The following SMARCC1 variants were observed in gnomAD, a reference collection of about 807,000 sequenced individuals.
SMARCC1 encodes the protein SWI/SNF complex subunit SMARCC1.
SMARCC1 carries 43 observed loss-of-function variants against 147.4 expected under a neutral mutation model. The ratio of observed to expected loss-of-function variants is 0.29; its 90% CI spans 0.23 to 0.38. The LOEUF (loss-of-function observed/expected upper bound fraction) is 0.38. SMARCC1 is among the 10% of genes least tolerant of loss of function. The probability of loss-of-function intolerance (pLI) is 1.00; values close to 1 mark genes in which losing one functional copy is unlikely to be tolerated. For missense variants in SMARCC1, 1,119 were observed against 1,381.1 expected (o/e 0.81, Z 3.01); for synonymous variants, 495 against 484.4 (o/e 1.02, Z -0.29).
chr3:47,689,892 T>C (rs914825961), intron 12 of SMARCC1, among the ~76,000 whole-genome samples: 2 of 152,150 alleles, frequency 1.3e-5, no homozygotes, highest in African/African-American at 4.8e-5. Context: ...CCAGGTAAAA[T>C]TTGTAAACTA....
chr3:47,666,336 C>A (rs1448436276), intron 19 of SMARCC1, among the ~76,000 whole-genome samples: 1 of 152,204 alleles, frequency 6.6e-6, no homozygotes, highest in Non-Finnish European at 1.5e-5. Context: ...GGACATACCT[C>A]TAATCATAAA....
intron 1 of SMARCC1, among the ~76,000 whole-genome samples, chr3:47,780,134 G>A (rs867797077): frequency 3.0e-4 from 41 of 138,644 alleles, no homozygotes; most frequent in Admixed American, 1.5e-4. Context: ...AAGAAAGAAA[G>A]AAATGATCAT....
At chr3:47,758,971 C>T (rs994365522) in intron 2 of SMARCC1, among the ~76,000 whole-genome samples, 31 of 150,854 alleles carry the variant, frequency 2.1e-4, no homozygotes, top group Non-Finnish European at 5.9e-5. Context: ...GAGCTGAGAT[C>T]GCACCATTGC....
chr3:47,676,037 T>G (rs980169176), intron 17 of SMARCC1, among the ~76,000 whole-genome samples: 1 of 152,096 alleles, frequency 6.6e-6, no homozygotes. Context: ...TACACTATAC[T>G]TCTAACAAAA....
At chr3:47,727,465 T>G (rs754384130) in intron 6 of SMARCC1, among the ~76,000 whole-genome samples, 2 of 151,486 alleles carry the variant, frequency 1.3e-5, no homozygotes, top group Non-Finnish European at 2.9e-5. Flanking sequence ...CGAGATCACA[T>G]GACTACACTC....
chr3:47,587,837 C>T lies in SMARCC1; in HGVS notation c.*372G>A. 1 of 213,854 alleles carries T rather than the reference C, an allele frequency of 4.7e-6. No homozygotes were observed. The highest frequency in any genetic ancestry group is 9.4e-6 in the Non-Finnish European group (1 of 106,698). The allele number at this position is 213,854 out of a possible 1,614,324, so 13.2% of individuals were successfully genotyped here. On this transcript the variant is annotated 3_prime_UTR_variant, in exon 28 of 28. Coordinates refer to ENST00000254480, the MANE Select transcript of SMARCC1 (RefSeq NM_003074.4). ...AAGATAATGATTATATAGCATTATC[C>T]ATAGAAGCATAAGACAAAGCAAAAA...
intron 22 of SMARCC1, among the ~76,000 whole-genome samples, chr3:47,637,320 G>A (rs997322315): frequency 2.6e-5 from 4 of 152,074 alleles, no homozygotes; most frequent in Admixed American, 6.5e-5. Flanking sequence ...TACAATTTTA[G>A]AATACCACAT....
Position 47,772,827 on chromosome 3 carries a change from G to A in SMARCC1, c.305C>T (p.Thr102Ile). 6.2e-7 allele frequency: 1 copy of A among 1,612,342 alleles called. No homozygotes were observed. Among genetic ancestry groups the A allele is most frequent in the East Asian group, 2.2e-5 (1 of 44,820 alleles). ...AGCTGATGTACTTACAGGGAGTTTG[G>A]TGAAGGCCGGGTTGGTGACATGCTT... ...FGKHVTNPAF[T>I]KLPAKCFMDF... The change falls in exon 2 of 28, where the codon ACC (threonine) becomes ATC (isoleucine). Residue 102 changes from threonine to isoleucine, a missense_variant. Transcript: ENST00000254480.
chr3:47,662,312 G>A lies in SMARCC1; in HGVS notation c.2158+22C>T, dbSNP rs764654081. 3.8e-6 allele frequency: 6 copies of A among 1,598,872 alleles called. No homozygotes were observed. The South Asian group carries it at 5.6e-5, about 15-fold the overall frequency. ...ATAAACTGAGTTTTTCTGTTGAGGA[G>A]ATGGTTTAGGGAAGTCCATACCCAA... On this transcript the variant is annotated intron_variant, in intron 20 of 27. Coordinates refer to ENST00000254480, the MANE Select transcript of SMARCC1 (RefSeq NM_003074.4).
chr3:47,619,102 T>C (rs113427840), intron 25 of SMARCC1, among the ~76,000 whole-genome samples: 1 of 152,182 alleles, frequency 6.6e-6, no homozygotes, highest in Non-Finnish European at 1.5e-5. Flanking sequence ...GCTCCGCCTG[T>C]AGGACGTTTT....
intron 2 of SMARCC1, among the ~76,000 whole-genome samples, chr3:47,767,810 G>A (rs2034858978): frequency 6.6e-6 from 1 of 151,710 alleles, no homozygotes; most frequent in Admixed American, 6.6e-5. Flanking sequence ...AGAGGTTGCA[G>A]TGAGCCAAGA....
intron 26 of SMARCC1, among the ~76,000 whole-genome samples, chr3:47,599,318 G>A (rs1318854678): frequency 6.6e-6 from 1 of 152,138 alleles, no homozygotes; most frequent in Non-Finnish European, 1.5e-5. Flanking sequence ...GGGAGGTAGA[G>A]GTTAGAGTGA....
chr3:47,753,554 T>C lies in SMARCC1; in HGVS notation c.316-7561A>G, dbSNP rs2034653182. On this transcript the variant is annotated intron_variant, in intron 2 of 27. Transcript: ENST00000254480. ...GGTGAAACCCCGTCTCTACTAAAAA[T>C]ACAAAAAAAATCAGCCGGGCGTGGT... Among the ~76,000 whole-genome samples, 4 of 150,160 alleles carry C rather than the reference T, an allele frequency of 2.7e-5. No individual in the cohort carries two copies. In the South Asian group the frequency reaches 8.4e-4, roughly 32 times the overall value.
intron 21 of SMARCC1, among the ~76,000 whole-genome samples, chr3:47,642,973 G>C: frequency 6.6e-6 from 1 of 152,140 alleles, no homozygotes; most frequent in African/African-American, 2.4e-5. Flanking sequence ...CTGAGCCTGG[G>C]AAGTTGAGGC....
At chr3:47,690,353 G>C (rs2033775823) in intron 12 of SMARCC1, among the ~76,000 whole-genome samples, 1 of 152,166 alleles carries the variant, frequency 6.6e-6, no homozygotes, top group South Asian at 2.1e-4. Context: ...TATTAGAGAG[G>C]AAGTGGGTAG....
chr3:47,638,829 A>C (rs1259111175), intron 21 of SMARCC1, 49 bp from the exon 22 acceptor site: 3 of 1,292,944 alleles, frequency 2.3e-6, no homozygotes, highest in Non-Finnish European at 3.4e-6. Context: ...AAAAAGGTAA[A>C]AGCTATTATT....
At chr3:47,752,612 G>A (rs554524625) in intron 2 of SMARCC1, among the ~76,000 whole-genome samples, 7 of 152,082 alleles carry the variant, frequency 4.6e-5, no homozygotes, top group East Asian at 1.9e-4. Flanking sequence ...ATAACAGAGC[G>A]AAACCCTGTC....
chr3:47,618,578 G>C (rs1345376439), intron 25 of SMARCC1, among the ~76,000 whole-genome samples: 1 of 151,930 alleles, frequency 6.6e-6, no homozygotes, highest in Non-Finnish European at 1.5e-5. Context: ...AAAAAATAGT[G>C]AAGTTATATA....
At chr3:47,719,063 C>T (rs973636291) in intron 7 of SMARCC1, among the ~76,000 whole-genome samples, 1 of 152,148 alleles carries the variant, frequency 6.6e-6, no homozygotes, top group African/African-American at 2.4e-5. Context: ...CAGGCACCCA[C>T]CACCATGCCC....
Sources: gnomAD v4.1 joint callset for allele counts (sites outside exome capture counted in the v4.1 genomes callset) on GRCh38, gnomAD v4.1.1 for gene constraint, MANE v1.5 for transcripts, NCBI Gene and HGNC (gene_info 2026-07-23, HGNC 2026-07-21) for gene names.